Variants in DZIP1 observed in about 807,000 individuals in gnomAD.
DZIP1 encodes cilium assembly protein DZIP1.
A neutral mutation model predicts 107.6 loss-of-function variants in DZIP1; 97 were observed. The ratio of observed to expected loss-of-function variants is 0.90; its 90% CI spans 0.77 to 1.07. The LOEUF is 1.07. Ranked by LOEUF, DZIP1 falls within the 50% of genes least tolerant of loss-of-function variation. DZIP1 has a pLI of 0.00. For synonymous variants in DZIP1, 390 were observed against 386.4 expected (o/e 1.01, Z -0.11); for missense variants, 1,035 against 1,063.6 (o/e 0.97, Z 0.37).
intron 9 of DZIP1, among the ~76,000 whole-genome samples, chr13:95,621,593 A>C (rs1269798103): frequency 6.6e-6 from 1 of 151,704 alleles, no homozygotes; most frequent in Admixed American, 6.6e-5. Flanking sequence ...TTGTTCCCCT[A>C]AACCGCTGTC....
chr13:95,614,161 A>G, intron 10 of DZIP1, among the ~76,000 whole-genome samples: 1 of 149,854 alleles, frequency 6.7e-6, no homozygotes, highest in East Asian at 1.9e-4. Flanking sequence ...GTGTCTTAGC[A>G]TCCTGCACAG....
chr13:95,636,068 TAAG>T (rs1877767211), intron 5 of DZIP1, among the ~76,000 whole-genome samples: 1 of 151,352 alleles, frequency 6.6e-6, no homozygotes, highest in Non-Finnish European at 1.5e-5. Context: ...ATCTATAAAT[TAAG>T]AAAGGAATCT....
chr13:95,611,371 C>A, intron 12 of DZIP1, 74 bp downstream of exon 12: 1 of 1,152,478 alleles, frequency 8.7e-7, no homozygotes, highest in Non-Finnish European at 1.3e-6. Flanking sequence ...ACAAGTGGGG[C>A]CCACATTCTT....
Position 95,641,132 on chromosome 13 carries a change from T to C in DZIP1, c.597+163A>G, listed in dbSNP as rs1280104395. On this transcript the variant is annotated intron_variant, in intron 5 of 22. Coordinates refer to ENST00000376829, the MANE Select transcript of DZIP1 (RefSeq NM_198968.4). This position sits in a 1 kb window ranked among gnomAD's most constrained non-coding sequence, Gnocchi z 4.3. Reference sequence around the variant, plus strand: ...ATTGTCTGCAGAAGGTAATGAACCATGACATTTGTTGGTTAAATGACTGTT... The same window carrying C: ...ATTGTCTGCAGAAGGTAATGAACCACGACATTTGTTGGTTAAATGACTGTT... Among the ~76,000 whole-genome samples the C allele has an allele frequency of 6.6e-6, 1 of 152,238 alleles. No homozygotes were observed.
chr13:95,622,788 G>A (rs954047451), intron 8 of DZIP1, among the ~76,000 whole-genome samples: 1 of 151,158 alleles, frequency 6.6e-6, no homozygotes, highest in African/African-American at 2.4e-5. Flanking sequence ...TGTTGCCCAG[G>A]CTAGAGTGCA....
intron 13 of DZIP1, among the ~76,000 whole-genome samples, chr13:95,607,389 G>T (rs1302258821): frequency 6.6e-6 from 1 of 151,862 alleles, no homozygotes; most frequent in Non-Finnish European, 1.5e-5. Flanking sequence ...CTTCACAATG[G>T]CTTCTAGTGA....
chr13:95,612,288 G>A lies in DZIP1; in HGVS notation c.1174-111C>T, dbSNP rs1030294221. 76 of 1,212,264 alleles carry A rather than the reference G, an allele frequency of 6.3e-5. 1 individual carries two copies. In the Admixed American group the frequency reaches 1.4e-3, roughly 22 times the overall value. 75.1% of individuals were successfully genotyped at this position (1,212,264 alleles called of 1,614,324 possible). A position where few individuals can be genotyped will look rare whatever the true frequency, so the allele number is the denominator to read the frequency against. On this transcript the variant is annotated intron_variant, in intron 10 of 22. Transcript: ENST00000376829. ...CTGTTTTGCTAGCCTGATGCTATCC[G>A]TGCGCATCAAGTCGTTGAATAAATC...
chr13:95,613,315 C>T (rs780805237), intron 10 of DZIP1, among the ~76,000 whole-genome samples: 1 of 152,016 alleles, frequency 6.6e-6, no homozygotes, highest in Non-Finnish European at 1.5e-5. Flanking sequence ...GAGTTTCAGA[C>T]CAGCCTGGCC....
chr13:95,632,416 C>A (rs1379690479), intron 6 of DZIP1, among the ~76,000 whole-genome samples: 1 of 152,130 alleles, frequency 6.6e-6, no homozygotes, highest in East Asian at 1.9e-4. Flanking sequence ...TCCTCTGTAG[C>A]TTCTGGGTCC....
chr13:95,624,945 T>C lies in DZIP1; in HGVS notation c.811-16A>G, dbSNP rs1271316371. 6.4e-7 allele frequency: 1 copy of C among 1,571,832 alleles called. No homozygotes were observed. Among genetic ancestry groups the C allele is most frequent in the Non-Finnish European group, 8.6e-7 (1 of 1,162,290 alleles). On this transcript the variant is annotated splice_polypyrimidine_tract_variant and intron_variant, in intron 7 of 22. Coordinates refer to ENST00000376829, the MANE Select transcript of DZIP1 (RefSeq NM_198968.4). ...TTTCATATTCCTGAAATTATTTTAATACACATCTTTAAAAGTTCTGGTCTG... is the reference window on the plus strand; with the variant it reads ...TTTCATATTCCTGAAATTATTTTAACACACATCTTTAAAAGTTCTGGTCTG...
Position 95,641,993 on chromosome 13 carries a change from C to T in DZIP1, c.36+1G>A. 6.3e-7 allele frequency: 1 copy of T among 1,579,918 alleles called. No individual in the cohort carries two copies. The highest frequency in any genetic ancestry group is 8.6e-7 in the Non-Finnish European group (1 of 1,168,052). On this transcript the variant is annotated splice_donor_variant, in intron 4 of 22. Coordinates refer to ENST00000376829, the MANE Select transcript of DZIP1 (RefSeq NM_198968.4). LOFTEE classifies it high-confidence loss of function. The surrounding 1 kb of genome is among the most constrained non-coding windows in gnomAD (Gnocchi z 4.3). Reference sequence around the variant, plus strand: ...GGGCGCCCCGGCCTCCCGCCTCTTACCATGCTTGAAAACCAATCCGCTGCC... The same window carrying T: ...GGGCGCCCCGGCCTCCCGCCTCTTATCATGCTTGAAAACCAATCCGCTGCC...
rs569909946 is a variant in DZIP1 at position 95,622,457 on chromosome 13, G to T, written c.996C>A (p.Ser332=). 6.2e-7 allele frequency: 1 copy of T among 1,614,162 alleles called. No individual in the cohort carries two copies. The highest frequency in any genetic ancestry group is 1.1e-5 in the South Asian group (1 of 91,072). ...CTATGTTGGACTTGATCTGCATATT[G>T]GACTTCTGGATTTCTGACAGTTGCT... ...LEYQLSEIQK[S]NMQIKSNIGT... Residue 332 remains serine (S), a synonymous_variant, in exon 9 of 23, where the codon TCC becomes TCA. Coordinates refer to ENST00000376829, the MANE Select transcript of DZIP1 (RefSeq NM_198968.4).
At chr13:95,635,408 G>C (rs1877682800) in intron 5 of DZIP1, among the ~76,000 whole-genome samples, 1 of 152,002 alleles carries the variant, frequency 6.6e-6, no homozygotes, top group Admixed American at 6.5e-5. Context: ...TGTTGGCCAG[G>C]CTGGGCACGA....
chr13:95,585,924 T>C (rs1402694885), intron 21 of DZIP1, 82 bp downstream of exon 21: 1 of 1,389,832 alleles, frequency 7.2e-7, no homozygotes, highest in Non-Finnish European at 9.7e-7. Flanking sequence ...ATCTGTTTTA[T>C]ATTTCACTAC....
chr13:95,637,596 C>G (rs1234036621), intron 5 of DZIP1, among the ~76,000 whole-genome samples: 4 of 110,000 alleles, frequency 3.6e-5, no homozygotes, highest in Non-Finnish European at 7.9e-5. Context: ...AAGAGAGAGA[C>G]ATTAGCGATC....
intron 12 of DZIP1, among the ~76,000 whole-genome samples, chr13:95,610,035 G>A (rs896944381): frequency 6.7e-6 from 1 of 149,210 alleles, no homozygotes; most frequent in African/African-American, 2.5e-5. Flanking sequence ...GTCAGCTCTT[G>A]CCCTGGTCTT....
intron 5 of DZIP1, among the ~76,000 whole-genome samples, chr13:95,639,988 AT>A (rs1260731182): frequency 6.7e-4 from 87 of 129,800 alleles, no homozygotes; most frequent in African/African-American, 2.2e-3. Flanking sequence ...TATCTTTTTT[AT>A]TTTTATTTAT....
intron 5 of DZIP1, among the ~76,000 whole-genome samples, chr13:95,636,196 CAA>C (rs35387094): frequency 1.2e-4 from 16 of 135,164 alleles, no homozygotes; most frequent in Middle Eastern, 3.6e-3. Context: ...AGATAAAATA[CAA>C]AAAAAAAAAA....
rs1368551933 is a variant in DZIP1, at chr13:95,580,560, A to AACTT, written c.*1670_*1673dup. The AACTT allele has an allele frequency of 1.3e-5, 2 of 152,178 alleles. No homozygotes were observed. Among genetic ancestry groups the AACTT allele is most frequent in the East Asian group, 3.8e-4 (2 of 5,202 alleles). The allele number at this position is 152,178 out of a possible 1,614,324, so 9.4% of individuals were successfully genotyped here. A position where few individuals can be genotyped will look rare whatever the true frequency, so the allele number is the denominator to read the frequency against. On this transcript the variant is annotated 3_prime_UTR_variant, in exon 23 of 23. Coordinates refer to ENST00000376829, the MANE Select transcript of DZIP1 (RefSeq NM_198968.4). ...ACTTTGTACTTGTATGGCTTCTGGC[A>AACTT]ACTTACTTAATAACTCTGTTTCTCA...
Sources: allele counts gnomAD v4.1 joint callset (sites outside exome capture counted in the v4.1 genomes callset), GRCh38; gene constraint gnomAD v4.1.1; non-coding constraint Gnocchi (gnomAD v3.1); transcripts MANE v1.5; gene names NCBI Gene and HGNC (gene_info 2026-07-23, HGNC 2026-07-21).